Variants in PLPP7 observed in about 807,000 individuals in gnomAD.
PLPP7 encodes inactive phospholipid phosphatase 7.
PLPP7 carries 11 observed loss-of-function variants against 16.9 expected under a neutral mutation model. That is an observed-to-expected ratio of 0.65 (90% confidence interval 0.41 to 1.08). The LOEUF (loss-of-function observed/expected upper bound fraction) is 1.08, where lower values mean the gene tolerates loss of function less well. Among genes scored for constraint, PLPP7 ranks in the 50% least tolerant of loss-of-function variants. PLPP7 has a pLI of 0.00. For missense variants in PLPP7, 358 were observed against 397.1 expected (o/e 0.90, Z 0.84); for synonymous variants, 174 against 175.1 (o/e 0.99, Z 0.05).
In PLPP7 at chr9:131,295,936, G is replaced by A. The variant is rs188575162; in HGVS notation, c.451+5488G>A. On this transcript the variant is annotated intron_variant, in intron 1 of 1. Coordinates refer to ENST00000372264, the MANE Select transcript of PLPP7 (RefSeq NM_032728.4). This position sits in a 1 kb window ranked among gnomAD's most constrained non-coding sequence, Gnocchi z 4.0. ...ACACTTCGGTTGCTTCCACATTTTA[G>A]CTGTTCTGAGTAACGCTGCCGTGCG... Among the ~76,000 whole-genome samples, 1 of 152,256 alleles carries A rather than the reference G, an allele frequency of 6.6e-6. No homozygotes were observed. The highest frequency in any genetic ancestry group is 1.5e-5 in the Non-Finnish European group (1 of 68,028).
Position 131,308,413 on chromosome 9 carries a change from A to G in PLPP7, c.*126A>G. ...GAGTCAGAGCGGCCACCCCCACCTCATCTTCCCCTCCTGGCTGGAGGCTGG... is the reference window on the plus strand; with the variant it reads ...GAGTCAGAGCGGCCACCCCCACCTCGTCTTCCCCTCCTGGCTGGAGGCTGG... On this transcript the variant is annotated 3_prime_UTR_variant, in exon 2 of 2. Coordinates refer to ENST00000372264, the MANE Select transcript of PLPP7 (RefSeq NM_032728.4). The G allele has an allele frequency of 7.2e-7, 1 of 1,396,976 alleles. No homozygotes were observed. The highest frequency in any genetic ancestry group is 9.4e-7 in the Non-Finnish European group (1 of 1,064,102). The allele number at this position is 1,396,976 out of a possible 1,614,324, so 86.5% of individuals were successfully genotyped here.
At chr9:131,296,804 C>A (rs1835739246) in intron 1 of PLPP7, among the ~76,000 whole-genome samples, 1 of 152,208 alleles carries the variant, frequency 6.6e-6, no homozygotes, top group African/African-American at 2.4e-5. Context: ...ATGTCCCTCG[C>A]ACCAGCATGA....
At position 131,290,028 on chromosome 9, in the gene PLPP7, C is replaced by T. The variant is rs775330481; in HGVS notation, c.31C>T (p.Arg11Trp). ...AGCTTCCCAGAGCCGGGCCCGTGCC[C>T]GGGACCGCAACAACGTCCTCAACCG... MPASQSRARA[R>W]DRNNVLNRAE... The change falls in exon 1 of 2, where the codon CGG becomes TGG. Residue 11 changes from arginine to tryptophan, a missense_variant. Coordinates refer to ENST00000372264, the MANE Select transcript of PLPP7 (RefSeq NM_032728.4). This position sits in a 1 kb window ranked among gnomAD's most constrained non-coding sequence, Gnocchi z 4.2. 2.1e-5 allele frequency: 30 copies of T among 1,438,860 alleles called. No homozygotes were observed. Among genetic ancestry groups the T allele is most frequent in the Admixed American group, 1.6e-4 (6 of 37,370 alleles). The allele number at this position is 1,438,860 out of a possible 1,614,324, so 89.1% of individuals were successfully genotyped here.
intron 1 of PLPP7, chr9:131,292,974 A>G (rs1835698352): frequency 2.0e-6 from 2 of 984,536 alleles, no homozygotes; most frequent in African/African-American, 3.5e-5. Context: ...AGACATTTTT[A>G]AAAATCTTTA....
chr9:131,299,709 G>A (rs891740634), intron 1 of PLPP7, among the ~76,000 whole-genome samples: 2 of 152,218 alleles, frequency 1.3e-5, no homozygotes. Flanking sequence ...ATAGAGTAAC[G>A]CTCTGTGTCA....
intron 1 of PLPP7, among the ~76,000 whole-genome samples, chr9:131,296,252 C>A (rs1835733769): frequency 6.6e-6 from 1 of 151,864 alleles, no homozygotes; most frequent in African/African-American, 2.4e-5. Flanking sequence ...TTTTTTGTTT[C>A]GTTTTGGGGG....
intron 1 of PLPP7, among the ~76,000 whole-genome samples, chr9:131,293,274 G>A (rs1242398999): frequency 3.3e-5 from 5 of 152,194 alleles, no homozygotes; most frequent in Non-Finnish European, 7.3e-5. Flanking sequence ...CTGCACTCCT[G>A]GAGCGTGTGT....
Position 131,307,912 on chromosome 9 carries a change from C to T in PLPP7, c.452-11C>T. Reference sequence around the variant, plus strand: ...CCTGATGGCCCAGGGGCCTCTGTCTCCCCCCAACAGCCCTGCTCCTGGACA... The same window carrying T: ...CCTGATGGCCCAGGGGCCTCTGTCTTCCCCCAACAGCCCTGCTCCTGGACA... On this transcript the variant is annotated splice_polypyrimidine_tract_variant and intron_variant, in intron 1 of 1. Coordinates refer to ENST00000372264, the MANE Select transcript of PLPP7 (RefSeq NM_032728.4). The T allele has an allele frequency of 6.4e-7, 1 of 1,566,348 alleles. No individual in the cohort carries two copies. Among genetic ancestry groups the T allele is most frequent in the Non-Finnish European group, 8.6e-7 (1 of 1,160,132 alleles).
chr9:131,302,053 A>G (rs896394150), intron 1 of PLPP7, among the ~76,000 whole-genome samples: 2 of 152,046 alleles, frequency 1.3e-5, no homozygotes, highest in South Asian at 2.1e-4. Context: ...TCCTGACCTC[A>G]GGCGCTCCGT....
Position 131,290,466 on chromosome 9 carries a change from C to T in PLPP7, c.451+18C>T, listed in dbSNP as rs755638609. 5 of 1,492,276 alleles carry T rather than the reference C, an allele frequency of 3.4e-6. No homozygotes were observed. The Admixed American group carries it at 8.2e-5, about 25-fold the overall frequency. 92.4% of individuals were successfully genotyped at this position (1,492,276 alleles called of 1,614,324 possible). A position where few individuals can be genotyped will look rare whatever the true frequency, so the allele number is the denominator to read the frequency against. On this transcript the variant is annotated intron_variant, in intron 1 of 1. Transcript: ENST00000372264. This position sits in a 1 kb window ranked among gnomAD's most constrained non-coding sequence, Gnocchi z 4.2. ...GCTCCTGGGTGAGTGTGCCTGCCGCCCGCCACTCACTGTCAGGCCCCTCGG... is the reference window on the plus strand; with the variant it reads ...GCTCCTGGGTGAGTGTGCCTGCCGCTCGCCACTCACTGTCAGGCCCCTCGG...
chr9:131,307,139 G>T (rs550641254), intron 1 of PLPP7, among the ~76,000 whole-genome samples: 1 of 151,392 alleles, frequency 6.6e-6, no homozygotes, highest in Non-Finnish European at 1.5e-5. Flanking sequence ...CCAGCTACTC[G>T]GGAGGCTGAA....
In PLPP7 at chr9:131,290,066, G is replaced by T; in HGVS notation, c.69G>T (p.Leu23=). 1.3e-6 allele frequency: 2 copies of T among 1,489,606 alleles called. No homozygotes were observed. The highest frequency in any genetic ancestry group is 2.4e-5 in the Admixed American group (1 of 42,378). The allele number at this position is 1,489,606 out of a possible 1,614,324, so 92.3% of individuals were successfully genotyped here. A position where few individuals can be genotyped will look rare whatever the true frequency, so the allele number is the denominator to read the frequency against. The change falls in exon 1 of 2, where the codon CTG becomes CTT. Residue 23 remains leucine (L), a synonymous_variant. Coordinates refer to ENST00000372264, the MANE Select transcript of PLPP7 (RefSeq NM_032728.4). The surrounding 1 kb of genome is among the most constrained non-coding windows in gnomAD (Gnocchi z 4.2). ...RNNVLNRAEF[L]SLNQPPKGGP... Reference sequence around the variant, plus strand: ...ACGTCCTCAACCGGGCTGAGTTCCTGTCCCTGAACCAGCCCCCCAAGGGGG... The same window carrying T: ...ACGTCCTCAACCGGGCTGAGTTCCTTTCCCTGAACCAGCCCCCCAAGGGGG...
chr9:131,289,942 G>A lies in PLPP7; in HGVS notation c.-56G>A, dbSNP rs932131846. 1 of 1,346,858 alleles carries A rather than the reference G, an allele frequency of 7.4e-7. No homozygotes were observed. Among genetic ancestry groups the A allele is most frequent in the South Asian group, 2.0e-5 (1 of 50,294 alleles). The allele number at this position is 1,346,858 out of a possible 1,614,324, so 83.4% of individuals were successfully genotyped here. A position where few individuals can be genotyped will look rare whatever the true frequency, so the allele number is the denominator to read the frequency against. Reference sequence around the variant, plus strand: ...TCTGGGGGCAGCTCTTGTCTTCGGGGAGAAGGCCCTTGGAGCCGGGCTGGC... The same window carrying A: ...TCTGGGGGCAGCTCTTGTCTTCGGGAAGAAGGCCCTTGGAGCCGGGCTGGC... On this transcript the variant is annotated 5_prime_UTR_variant, in exon 1 of 2. Coordinates refer to ENST00000372264, the MANE Select transcript of PLPP7 (RefSeq NM_032728.4).
chr9:131,298,290 T>G (rs1475453888), intron 1 of PLPP7, among the ~76,000 whole-genome samples: 7 of 152,144 alleles, frequency 4.6e-5, no homozygotes, highest in Non-Finnish European at 8.8e-5. Flanking sequence ...AGTATATGGC[T>G]GGCTCCCAAC....
At chr9:131,300,062 T>C (rs1451767315) in intron 1 of PLPP7, among the ~76,000 whole-genome samples, 1 of 152,230 alleles carries the variant, frequency 6.6e-6, no homozygotes, top group East Asian at 1.9e-4. Flanking sequence ...TACCACACAC[T>C]GATTTATAAA....
At chr9:131,303,332 TA>T (rs34474446) in intron 1 of PLPP7, among the ~76,000 whole-genome samples, 29,751 of 99,142 alleles carry the variant, frequency 0.3, 3,700 homozygotes, top group East Asian at 0.44. Context: ...AACTCTGTCT[TA>T]AAAAAAAAAA....
At chr9:131,299,863 G>A (rs913227676) in intron 1 of PLPP7, among the ~76,000 whole-genome samples, 1 of 152,226 alleles carries the variant, frequency 6.6e-6, no homozygotes, top group Admixed American at 6.5e-5. Context: ...ACCAGGCACA[G>A]GCTAGGTGGG....
chr9:131,300,146 C>T (rs141511797), intron 1 of PLPP7, among the ~76,000 whole-genome samples: 4 of 152,328 alleles, frequency 2.6e-5, no homozygotes, highest in African/African-American at 9.6e-5. Context: ...CTGGTGAGGG[C>T]CTTCTTGCTC....
chr9:131,291,165 TCC>T (rs1345357123), intron 1 of PLPP7: 1 of 1,366,118 alleles, frequency 7.3e-7, no homozygotes, highest in Admixed American at 1.9e-5. Context: ...GGCAAGCCAT[TCC>T]CTCCACCCAG....
Sources: gnomAD v4.1 joint callset for allele counts (sites outside exome capture counted in the v4.1 genomes callset) on GRCh38, gnomAD v4.1.1 for gene constraint, Gnocchi (gnomAD v3.1) non-coding constraint, MANE v1.5 for transcripts, NCBI Gene and HGNC (gene_info 2026-07-23, HGNC 2026-07-21) for gene names.